Variants in KCNMA1 observed in about 807,000 individuals in gnomAD.
KCNMA1 encodes the protein potassium calcium-activated channel subfamily M alpha 1, also known as Calcium-activated potassium channel subunit alpha-1.
Under a neutral mutation model 140.0 loss-of-function variants are expected in KCNMA1, and 29 were observed. That is an observed-to-expected ratio of 0.21 (90% CI 0.15 to 0.28). The LOEUF is 0.28. Among genes scored for constraint, KCNMA1 ranks in the 10% least tolerant of loss-of-function variants. The pLI is 1.00. For missense variants in KCNMA1, 880 were observed against 1,602.2 expected (o/e 0.55, Z 7.70); for synonymous variants, 612 against 611.9 (o/e 1.00, Z 0.00).
intron 2 of KCNMA1, among the ~76,000 whole-genome samples, chr10:77,324,472 A>G (rs926724287): frequency 2.6e-5 from 4 of 152,200 alleles, no homozygotes; most frequent in Admixed American, 2.6e-4. Flanking sequence ...CACCCAGCTT[A>G]CTATACCACT....
chr10:77,601,314 G>A (rs1282469910), intron 1 of KCNMA1, among the ~76,000 whole-genome samples: 2 of 152,182 alleles, frequency 1.3e-5, no homozygotes, highest in Non-Finnish European at 2.9e-5. Flanking sequence ...AGCCTCATGA[G>A]TGAAAAGGAC....
At chr10:77,496,907 C>A (rs768789993) in intron 1 of KCNMA1, among the ~76,000 whole-genome samples, 3 of 152,152 alleles carry the variant, frequency 2.0e-5, no homozygotes, top group Non-Finnish European at 4.4e-5. Context: ...ATTGTCTTCC[C>A]ACTCGCCATC....
chr10:77,228,255 A>C (rs1457338361), intron 3 of KCNMA1, among the ~76,000 whole-genome samples: 1 of 152,176 alleles, frequency 6.6e-6, no homozygotes, highest in Admixed American at 6.5e-5. Context: ...GTGAGCCACC[A>C]CACCCGGCCT....
At chr10:77,136,184 A>G (rs1300729981) in intron 5 of KCNMA1, among the ~76,000 whole-genome samples, 1 of 152,276 alleles carries the variant, frequency 6.6e-6, no homozygotes, top group Non-Finnish European at 1.5e-5. Flanking sequence ...ATATGGAAAT[A>G]TGCTACAGAA....
chr10:77,475,731 C>A (rs865979877), intron 1 of KCNMA1, among the ~76,000 whole-genome samples: 21 of 152,160 alleles, frequency 1.4e-4, no homozygotes, highest in African/African-American at 4.8e-4. Flanking sequence ...AAAACATGAC[C>A]TGAGGACTTC....
chr10:77,367,651 A>T (rs567365388), intron 2 of KCNMA1, among the ~76,000 whole-genome samples: 4 of 152,332 alleles, frequency 2.6e-5, no homozygotes, highest in Non-Finnish European at 5.9e-5. Context: ...CACCACCATA[A>T]TCAAGATACA....
At chr10:77,236,899 C>T (rs1353410653) in intron 3 of KCNMA1, among the ~76,000 whole-genome samples, 2 of 152,222 alleles carry the variant, frequency 1.3e-5, no homozygotes, top group Non-Finnish European at 2.9e-5. Context: ...CTTGACTCAG[C>T]CTCCTGAGTA....
At chr10:77,549,467 G>T (rs1240950228) in intron 1 of KCNMA1, among the ~76,000 whole-genome samples, 1 of 152,182 alleles carries the variant, frequency 6.6e-6, no homozygotes, top group African/African-American at 2.4e-5. Context: ...CTTGGAAGAG[G>T]TGATCCTCCT....
At chr10:77,399,636 A>T (rs1194269565) in intron 2 of KCNMA1, among the ~76,000 whole-genome samples, 2 of 152,186 alleles carry the variant, frequency 1.3e-5, no homozygotes, top group Non-Finnish European at 2.9e-5. Context: ...GGGGTCAAGG[A>T]ATTTTTATCA....
At chr10:77,154,812 C>T (rs2098464145) in intron 5 of KCNMA1, among the ~76,000 whole-genome samples, 1 of 152,220 alleles carries the variant, frequency 6.6e-6, no homozygotes, top group African/African-American at 2.4e-5. Flanking sequence ...CATCAAGAAA[C>T]AACTAAACAA....
At chr10:77,323,840 G>C (rs548507991) in intron 2 of KCNMA1, among the ~76,000 whole-genome samples, 1 of 152,282 alleles carries the variant, frequency 6.6e-6, no homozygotes, top group South Asian at 2.1e-4. Context: ...AGGGATTCAG[G>C]GATGACAGTG....
chr10:77,011,496 G>A (rs2090738327), intron 18 of KCNMA1, among the ~76,000 whole-genome samples: 1 of 152,126 alleles, frequency 6.6e-6, no homozygotes, highest in Non-Finnish European at 1.5e-5. Flanking sequence ...TCTGGCCTGT[G>A]GTATTAAAAC....
chr10:77,629,268 A>T (rs1305130066), intron 1 of KCNMA1, among the ~76,000 whole-genome samples: 1 of 152,210 alleles, frequency 6.6e-6, no homozygotes, highest in Non-Finnish European at 1.5e-5. Flanking sequence ...CATTCTTTTG[A>T]AACTGCCCTT....
chr10:77,160,754 T>C (rs1353608753), intron 5 of KCNMA1, among the ~76,000 whole-genome samples: 3 of 152,220 alleles, frequency 2.0e-5, no homozygotes, highest in African/African-American at 7.2e-5. Context: ...GCTGTGGAAA[T>C]GTCATGTCTT....
chr10:77,046,996 T>C (rs1353929357), intron 14 of KCNMA1, among the ~76,000 whole-genome samples: 1 of 152,216 alleles, frequency 6.6e-6, no homozygotes, highest in Non-Finnish European at 1.5e-5. Flanking sequence ...GCGCTGAACT[T>C]CTTGGATGTG....
At chr10:77,597,301 C>T (rs981883412) in intron 1 of KCNMA1, among the ~76,000 whole-genome samples, 20 of 151,966 alleles carry the variant, frequency 1.3e-4, no homozygotes, top group Non-Finnish European at 2.4e-4. Flanking sequence ...GGATGAAAAA[C>T]GTAGTTATCA....
chr10:77,178,321 T>C (rs917669108), intron 5 of KCNMA1, among the ~76,000 whole-genome samples: 2 of 152,000 alleles, frequency 1.3e-5, no homozygotes, highest in Admixed American at 1.3e-4. Context: ...ACACAGTAGG[T>C]AATAAAAATG....
Position 76,897,011 on chromosome 10 carries a change from TACACACACACAC to T in KCNMA1, c.3148-5304_3148-5293del, listed in dbSNP as rs3067677. Among the ~76,000 whole-genome samples, 52 of 142,816 alleles carry T rather than the reference TACACACACACAC, an allele frequency of 3.6e-4. 1 individual carries two copies. The South Asian group carries it at 8.1e-3, about 22-fold the overall frequency. The allele number at this position is 142,816 out of a possible 152,430, so 93.7% of individuals were successfully genotyped here. A position where few individuals can be genotyped will look rare whatever the true frequency, so the allele number is the denominator to read the frequency against. ...AGCCATGAGTATTAGAGGTGAAAAT[TACACACACACAC>T]ACACACACACACACACACACACACA... On this transcript the variant is annotated intron_variant, in intron 25 of 27. Transcript: ENST00000286628.
At chr10:77,068,973 C>T (rs1422087002) in intron 14 of KCNMA1, among the ~76,000 whole-genome samples, 1 of 151,518 alleles carries the variant, frequency 6.6e-6, no homozygotes, top group Admixed American at 6.6e-5. Context: ...CAGGCCATGC[C>T]CCAACTTGAA....
Sources: allele counts gnomAD v4.1 joint callset (sites outside exome capture counted in the v4.1 genomes callset), GRCh38; gene constraint gnomAD v4.1.1; transcripts MANE v1.5; gene names NCBI Gene and HGNC (gene_info 2026-07-23, HGNC 2026-07-21).